Variants in VRK2 observed in about 807,000 individuals in gnomAD.
VRK2 encodes the protein VRK serine/threonine kinase 2.
Under a neutral mutation model 57.6 loss-of-function variants are expected in VRK2, and 60 were observed. That is an observed-to-expected ratio of 1.04 (90% CI 0.85 to 1.29). The LOEUF (loss-of-function observed/expected upper bound fraction) is 1.29, where lower values mean the gene tolerates loss of function less well. Among genes scored for constraint, VRK2 ranks in the 50% most tolerant of loss-of-function variants. The pLI is 0.00. For synonymous variants in VRK2, 231 were observed against 199.2 expected (o/e 1.16, Z -1.35); for missense variants, 705 against 588.1 (o/e 1.20, Z -2.06).
At chr2:58,153,991 ATTTT>A (rs1683421343) in intron 12 of VRK2, among the ~76,000 whole-genome samples, 1 of 152,024 alleles carries the variant, frequency 6.6e-6, no homozygotes, top group Non-Finnish European at 1.5e-5. Flanking sequence ...TATCTCTTGC[ATTTT>A]TATTATTTCA....
intron 2 of VRK2, among the ~76,000 whole-genome samples, chr2:58,068,319 CA>C (rs1428034319): frequency 6.6e-6 from 1 of 151,962 alleles, no homozygotes; most frequent in Non-Finnish European, 1.5e-5. Flanking sequence ...GTTTCTTTTC[CA>C]AAAGGTATTT....
intron 1 of VRK2, among the ~76,000 whole-genome samples, chr2:57,932,344 A>G (rs1489392391): frequency 3.3e-5 from 5 of 152,098 alleles, no homozygotes; most frequent in Admixed American, 2.6e-4. Context: ...ATTTTTCCGG[A>G]GATTTTTGAT....
chr2:57,974,426 A>G (rs1672186233), intron 1 of VRK2, among the ~76,000 whole-genome samples: 3 of 151,924 alleles, frequency 2.0e-5, no homozygotes, highest in African/African-American at 7.2e-5. Context: ...TAAATTGTCT[A>G]CGTAGTAAGA....
At chr2:58,013,529 T>C (rs181565350) in intron 1 of VRK2, among the ~76,000 whole-genome samples, 163 of 152,318 alleles carry the variant, frequency 1.1e-3, no homozygotes, top group Middle Eastern at 3.4e-3. Context: ...AAATAAGTAA[T>C]AATAAATTGC....
intron 6 of VRK2, among the ~76,000 whole-genome samples, chr2:58,088,723 T>C (rs1026865460): frequency 1.3e-5 from 2 of 152,246 alleles, no homozygotes; most frequent in African/African-American, 2.4e-5. Flanking sequence ...GAACAAGCTT[T>C]CATTGCTGTA....
intron 7 of VRK2, among the ~76,000 whole-genome samples, chr2:58,118,202 A>G (rs1270694918): frequency 6.6e-6 from 1 of 152,032 alleles, no homozygotes; most frequent in Non-Finnish European, 1.5e-5. Context: ...CAAGGAGAGA[A>G]GGGGTTGGGG....
intron 1 of VRK2, among the ~76,000 whole-genome samples, chr2:58,009,156 A>C (rs1673344250): frequency 6.6e-6 from 1 of 152,190 alleles, no homozygotes; most frequent in African/African-American, 2.4e-5. Flanking sequence ...GTAGCAGGGA[A>C]TATCATTAGG....
intron 7 of VRK2, among the ~76,000 whole-genome samples, chr2:58,090,095 A>G (rs570390133): frequency 6.6e-6 from 1 of 150,748 alleles, no homozygotes; most frequent in Non-Finnish European, 1.5e-5. Flanking sequence ...TGTATAACCA[A>G]TTAAGTTTTA....
chr2:57,931,083 G>T (rs11125739), intron 1 of VRK2, among the ~76,000 whole-genome samples: 53,740 of 151,884 alleles, frequency 0.35, 12,659 homozygotes, highest in African/African-American at 0.68. Flanking sequence ...CTTGACTAGG[G>T]TGAATAATGC....
chr2:58,156,887 C>A (rs1310488858), intron 12 of VRK2, among the ~76,000 whole-genome samples: 1 of 152,168 alleles, frequency 6.6e-6, no homozygotes, highest in Non-Finnish European at 1.5e-5. Flanking sequence ...ACATTTCCTG[C>A]ATCTCATTTG....
chr2:57,988,613 G>C (rs1351329049), intron 1 of VRK2, among the ~76,000 whole-genome samples: 1 of 152,170 alleles, frequency 6.6e-6, no homozygotes, highest in African/African-American at 2.4e-5. Context: ...TTCTTCTTGA[G>C]CTGGAATATC....
At chr2:58,111,334 A>G (rs1245951270) in intron 7 of VRK2, among the ~76,000 whole-genome samples, 1 of 152,222 alleles carries the variant, frequency 6.6e-6, no homozygotes, top group Non-Finnish European at 1.5e-5. Flanking sequence ...GAGAGTCAAT[A>G]CAGTGTAATA....
intron 3 of VRK2, among the ~76,000 whole-genome samples, chr2:58,039,310 C>T (rs147186032): frequency 1.3e-5 from 2 of 152,166 alleles, no homozygotes; most frequent in Admixed American, 6.5e-5. Flanking sequence ...AGGGGAAGTA[C>T]ATTCAACTCT....
chr2:58,088,472 C>T lies in VRK2; in HGVS notation c.450+26C>T, dbSNP rs370953720. On this transcript the variant is annotated intron_variant, in intron 6 of 12. Transcript: ENST00000340157. ...GTAAGAATTACTTATTTCGCATGCTCCATTTCCAAATTGTTTACTTCTTGC... is the reference window on the plus strand; with the variant it reads ...GTAAGAATTACTTATTTCGCATGCTTCATTTCCAAATTGTTTACTTCTTGC... 3.4e-5 allele frequency: 50 copies of T among 1,491,950 alleles called. No homozygotes were observed. In the African/African-American group the frequency reaches 5.8e-4, roughly 17 times the overall value. 92.4% of individuals were successfully genotyped at this position (1,491,950 alleles called of 1,614,324 possible).
intron 1 of VRK2, among the ~76,000 whole-genome samples, chr2:57,919,957 T>A (rs775953788): frequency 2.6e-5 from 4 of 152,090 alleles, no homozygotes; most frequent in Non-Finnish European, 4.4e-5. Context: ...ATATGCAAAA[T>A]TATTCAAATT....
At chr2:57,946,422 C>CTTTAAT (rs1195410770) in intron 1 of VRK2, among the ~76,000 whole-genome samples, 2 of 151,872 alleles carry the variant, frequency 1.3e-5, no homozygotes, top group African/African-American at 4.8e-5. Flanking sequence ...TAGTACAATT[C>CTTTAAT]TGATTCAAAC....
chr2:57,983,308 C>T (rs1329892909), intron 1 of VRK2, among the ~76,000 whole-genome samples: 1 of 152,140 alleles, frequency 6.6e-6, no homozygotes, highest in African/African-American at 2.4e-5. Context: ...GTCCTCTGAC[C>T]ATAGCCAGGA....
intron 1 of VRK2, among the ~76,000 whole-genome samples, chr2:57,938,939 C>T (rs953659628): frequency 5.9e-5 from 9 of 152,130 alleles, no homozygotes; most frequent in African/African-American, 1.9e-4. Flanking sequence ...ATAACAATTC[C>T]TCATTCAGAG....
chr2:58,123,037 A>T, intron 7 of VRK2, 64 bp from the exon 8 acceptor site: 1 of 1,532,116 alleles, frequency 6.5e-7, no homozygotes, highest in African/African-American at 1.4e-5. Flanking sequence ...CTTAAGACTT[A>T]ATTATAAAGG....
Sources: gnomAD v4.1 joint callset for allele counts (sites outside exome capture counted in the v4.1 genomes callset) on GRCh38, gnomAD v4.1.1 for gene constraint, MANE v1.5 for transcripts, NCBI Gene and HGNC (gene_info 2026-07-23, HGNC 2026-07-21) for gene names.